The following VNN2 variants were observed in gnomAD, a reference collection of about 807,000 sequenced individuals.
The protein encoded by VNN2 is vanin 2, also known as pantetheine hydrolase VNN2.
In VNN2, 43 loss-of-function variants were observed where a neutral mutation model predicts 43.0. That is an observed-to-expected ratio of 1.00 (90% CI 0.78 to 1.29). The LOEUF (loss-of-function observed/expected upper bound fraction) is 1.29. VNN2 is among the 50% of genes most tolerant of loss of function. The pLI is 0.00. For missense variants in VNN2, 652 were observed against 619.7 expected, an observed-to-expected ratio of 1.05 and a Z score of -0.55; for synonymous variants, 230 against 224.3, an observed-to-expected ratio of 1.03 and a Z score of -0.23.
upstream of VNN2, chr6:132,758,138 A>G (rs375487424): frequency 5.0e-4 from 166 of 330,544 alleles, no homozygotes; most frequent in African/African-American, 3.5e-3. Flanking sequence ...TCCACCTCCC[A>G]GGTTCAAGCG....
rs781246991 is a variant in VNN2 at position 132,752,460 on chromosome 6, C to T, written c.826+1G>A. 5.0e-6 allele frequency: 8 copies of T among 1,609,764 alleles called. No individual in the cohort carries two copies. The East Asian group carries it at 1.3e-4, about 27-fold the overall frequency. ...TGAAACCTAACCTGGTCATGAATTA[C>T]CTGTCATATTTAGGCTGACATGATG... On this transcript the variant is annotated splice_donor_variant, in intron 4 of 6. Transcript: ENST00000326499. LOFTEE classifies it high-confidence loss of function.
intron 3 of VNN2, among the ~76,000 whole-genome samples, chr6:132,754,840 C>T (rs140821005): frequency 6.8e-4 from 104 of 152,260 alleles, no homozygotes; most frequent in Non-Finnish European, 1.4e-3. Flanking sequence ...CTGATTCATA[C>T]AATTTTGAAA....
At position 132,757,364 on chromosome 6, in the gene VNN2, T is replaced by A. The variant is rs1274650484; in HGVS notation, c.344+52A>T. 5.8e-6 allele frequency: 9 copies of A among 1,540,168 alleles called. No individual in the cohort carries two copies. In the African/African-American group the frequency reaches 1.2e-4, roughly 21 times the overall value. Reference sequence around the variant, plus strand: ...AGCAATCATTTTGCTTTGGTGAACGTGCGCATTTTAGAGAGTTACTTTTGC... The same window carrying A: ...AGCAATCATTTTGCTTTGGTGAACGAGCGCATTTTAGAGAGTTACTTTTGC... On this transcript the variant is annotated intron_variant, in intron 2 of 6. Coordinates refer to ENST00000326499, the MANE Select transcript of VNN2 (RefSeq NM_004665.6).
intron 3 of VNN2, 79 bp from the exon 4 acceptor site, chr6:132,752,828 A>G: frequency 1.3e-6 from 2 of 1,495,000 alleles, no homozygotes; most frequent in Non-Finnish European, 1.8e-6. Context: ...CTAAGTTGGT[A>G]ACAGATTTGG....
Position 132,757,727 on chromosome 6 carries a change from G to T in VNN2, c.157C>A (p.Leu53Ile). ...AGAATGTCTATATTCTCGTTCATGA[G>T]ATTCAAGGCATCCTCCTGAGAAACT... ...TPVSQEDALNLMNENIDILET... is the reference protein window; with the variant it reads ...TPVSQEDALNIMNENIDILET... The change falls in exon 1 of 7, where the codon CTC (leucine) becomes ATC (isoleucine). Residue 53 changes from leucine (L) to isoleucine (I), a missense_variant. Coordinates refer to ENST00000326499, the MANE Select transcript of VNN2 (RefSeq NM_004665.6). The T allele has an allele frequency of 6.2e-7, 1 of 1,614,120 alleles. No homozygotes were observed. The highest frequency in any genetic ancestry group is 1.1e-5 in the South Asian group (1 of 91,084).
intron 4 of VNN2, 70 bp downstream of exon 4, chr6:132,752,391 G>A (rs1780161602): frequency 6.7e-7 from 1 of 1,502,698 alleles, no homozygotes; most frequent in African/African-American, 1.4e-5. Flanking sequence ...ATTAATACAA[G>A]TCATAACTGA....
intron 6 of VNN2, among the ~76,000 whole-genome samples, chr6:132,749,282 A>G (rs1779907186): frequency 6.6e-6 from 1 of 152,228 alleles, no homozygotes; most frequent in Non-Finnish European, 1.5e-5. Context: ...GTGCAAGCAG[A>G]GATTTGCAAA....
rs2114496355 is a variant in VNN2, at chr6:132,744,355, A to C, written c.1508T>G (p.Leu503Arg). Reference sequence around the variant, plus strand: ...GATCATTAATAATATGAATATTAGCAGGTAAGTTATTGCTGAATTGCTGGT... The same window carrying C: ...GATCATTAATAATATGAATATTAGCCGGTAAGTTATTGCTGAATTGCTGGT... ...CGTSNSAITY[L>R]LIFILLMIIA... is the part of the protein sequence containing the mutation. The change falls in exon 7 of 7, where the codon CTG (leucine) becomes CGG (arginine). Residue 503 changes from leucine (L) to arginine (R), a missense_variant. Coordinates refer to ENST00000326499, the MANE Select transcript of VNN2 (RefSeq NM_004665.6). 6.2e-7 allele frequency: 1 copy of C among 1,613,006 alleles called. No individual in the cohort carries two copies.
In VNN2 at chr6:132,744,236, T is replaced by C; in HGVS notation, c.*64A>G. The C allele has an allele frequency of 1.3e-6, 2 of 1,487,314 alleles. No individual in the cohort carries two copies. Among genetic ancestry groups the C allele is most frequent in the Non-Finnish European group, 9.1e-7 (1 of 1,101,804 alleles). 92.1% of individuals were successfully genotyped at this position (1,487,314 alleles called of 1,614,324 possible). On this transcript the variant is annotated 3_prime_UTR_variant, in exon 7 of 7. Coordinates refer to ENST00000326499, the MANE Select transcript of VNN2 (RefSeq NM_004665.6). ...GCCCTTCAAAGTTTCTTAGTAAACT[T>C]GGGAAGCCGATAAACACATTCAGCC...
chr6:132,762,770 G>T (rs567212860), upstream of VNN2, among the ~76,000 whole-genome samples: 2 of 152,330 alleles, frequency 1.3e-5, no homozygotes, highest in East Asian at 3.9e-4. Context: ...AGCACTGCTA[G>T]ATGGAAATGC....
At position 132,755,927 on chromosome 6, in the gene VNN2, G is replaced by A; in HGVS notation, c.453C>T (p.Ser151=). 2 of 1,613,976 alleles carry A rather than the reference G, an allele frequency of 1.2e-6. No individual in the cohort carries two copies. The highest frequency in any genetic ancestry group is 1.1e-5 in the South Asian group (1 of 90,952). The change falls in exon 3 of 7, where the codon TCC becomes TCT. Residue 151 remains serine (S), a synonymous_variant. Coordinates refer to ENST00000326499, the MANE Select transcript of VNN2 (RefSeq NM_004665.6). The part of the protein sequence containing the change: ...GDKKPCNSRD[S]TCPPNGYFQY... ...GAAAGTAGCCATTAGGAGGACATGT[G>A]GAGTCACGGGAATTACATGGCTTTT...
intron 6 of VNN2, among the ~76,000 whole-genome samples, chr6:132,747,002 T>C (rs1363074482): frequency 6.6e-6 from 1 of 152,164 alleles, no homozygotes; most frequent in Non-Finnish European, 1.5e-5. Flanking sequence ...AGCTGTCACA[T>C]GGCTCTTTCA....
chr6:132,757,358 T>G, intron 2 of VNN2, 58 bp downstream of exon 2: 1 of 1,529,284 alleles, frequency 6.5e-7, no homozygotes. Flanking sequence ...TTTGCTTTGG[T>G]GAACGTGCGC....
At chr6:132,755,730 A>C (rs1030613147) in intron 3 of VNN2, 113 bp downstream of exon 3, 3 of 1,174,000 alleles carry the variant, frequency 2.6e-6, no homozygotes, top group Admixed American at 3.1e-5. Flanking sequence ...AAAACAAAAC[A>C]AAAAAACCCT....
At chr6:132,756,065 A>G (rs750147204) in intron 2 of VNN2, 30 bp from the exon 3 acceptor site, 68 of 1,500,148 alleles carry the variant, frequency 4.5e-5, no homozygotes, top group Middle Eastern at 3.7e-4. Flanking sequence ...AGAAATTTCA[A>G]TTTTAAAAAA....
chr6:132,751,560 C>A, intron 4 of VNN2, 42 bp from the exon 5 acceptor site: 3 of 1,550,584 alleles, frequency 1.9e-6, no homozygotes, highest in African/African-American at 1.4e-5. Flanking sequence ...ACACCACACA[C>A]AAAAAAACCA....
In VNN2 at chr6:132,752,768, A is replaced by T. The variant is rs376801866; in HGVS notation, c.538-19T>A. ...GGTGGTACTACAACAAATGGATAGG[A>T]GAAAACCAGTAAAACCTTATTTGTT... is the stretch of plus-strand genomic sequence containing the variant. On this transcript the variant is annotated intron_variant, in intron 3 of 6. Transcript: ENST00000326499. 6.3e-7 allele frequency: 1 copy of T among 1,595,964 alleles called. No individual in the cohort carries two copies. The highest frequency in any genetic ancestry group is 2.2e-5 in the East Asian group (1 of 44,722).
At position 132,744,041 on chromosome 6, in the gene VNN2, C is replaced by T. The variant is rs1350225748; in HGVS notation, c.*259G>A. On this transcript the variant is annotated 3_prime_UTR_variant, in exon 7 of 7. Coordinates refer to ENST00000326499, the MANE Select transcript of VNN2 (RefSeq NM_004665.6). The stretch of plus-strand genomic sequence containing the variant: ...AAGTCTCAAGCAAATGAGGCTGGAG[C>T]TGGAGTTTGATCTTCATTTATCTGA... The T allele has an allele frequency of 3.5e-6, 1 of 286,302 alleles. No individual in the cohort carries two copies. Among genetic ancestry groups the T allele is most frequent in the Non-Finnish European group, 6.4e-6 (1 of 156,208 alleles). 17.7% of individuals were successfully genotyped at this position (286,302 alleles called of 1,614,324 possible).
chr6:132,759,365 G>A (rs564490293), upstream of VNN2, among the ~76,000 whole-genome samples: 11 of 148,430 alleles, frequency 7.4e-5, no homozygotes, highest in African/African-American at 2.8e-4. Flanking sequence ...CTGGAACCCA[G>A]GAGGCAGAGG....
Sources: gnomAD v4.1 joint callset for allele counts (sites outside exome capture counted in the v4.1 genomes callset) on GRCh38, gnomAD v4.1.1 for gene constraint, MANE v1.5 for transcripts, NCBI Gene and HGNC (gene_info 2026-07-23, HGNC 2026-07-21) for gene names.